The following ENPP3 variants were observed in gnomAD, a reference collection of about 807,000 sequenced individuals.
The protein encoded by ENPP3 is ectonucleotide pyrophosphatase/phosphodiesterase 3.
Under a neutral mutation model 117.8 loss-of-function variants are expected in ENPP3, and 104 were observed. That is an observed-to-expected ratio of 0.88 (90% CI 0.75 to 1.04). The LOEUF (loss-of-function observed/expected upper bound fraction) is 1.04, where lower values mean the gene tolerates loss of function less well. Ranked by LOEUF, ENPP3 falls within the 50% of genes least tolerant of loss-of-function variation. The probability of loss-of-function intolerance (pLI) is 0.00; values close to 1 mark genes in which losing one functional copy is unlikely to be tolerated. For synonymous variants in ENPP3, 380 were observed against 349.9 expected (o/e 1.09, Z -0.96); for missense variants, 1,026 against 1,051.9 (o/e 0.98, Z 0.34).
At position 131,695,557 on chromosome 6, in the gene ENPP3, T is replaced by C. The variant is rs74718430; in HGVS notation, c.1412+1933T>C. Among the ~76,000 whole-genome samples, 1,456 of 152,318 alleles carry C rather than the reference T, an allele frequency of 9.6e-3. 20 individuals carry two copies. Among genetic ancestry groups the C allele is most frequent in the African/African-American group, 0.034 (1,400 of 41,568 alleles). On this transcript the variant is annotated intron_variant, in intron 15 of 24. Coordinates refer to ENST00000357639, the MANE Select transcript of ENPP3 (RefSeq NM_005021.5). Reference sequence around the variant, plus strand: ...TTTTATTATTTTCTTGCCATTAACATACAAAGTAAACTAACTTACATCAAA... The same window carrying C: ...TTTTATTATTTTCTTGCCATTAACACACAAAGTAAACTAACTTACATCAAA...
At chr6:131,667,038 A>C (rs899903065) in intron 6 of ENPP3, among the ~76,000 whole-genome samples, 7 of 152,184 alleles carry the variant, frequency 4.6e-5, no homozygotes, top group African/African-American at 1.7e-4. Context: ...TTGGGCAGTC[A>C]CCAGAGAATT....
intron 24 of ENPP3, among the ~76,000 whole-genome samples, chr6:131,742,953 T>C (rs1780559391): frequency 6.6e-6 from 1 of 152,196 alleles, no homozygotes; most frequent in Non-Finnish European, 1.5e-5. Context: ...AGTAATAAAT[T>C]GGACATATCC....
At chr6:131,726,294 A>G in intron 20 of ENPP3, 94 bp downstream of exon 20, 1 of 1,144,008 alleles carries the variant, frequency 8.7e-7, no homozygotes, top group East Asian at 2.4e-5. Context: ...GCAGAGATTC[A>G]AAGGGAGGGA....
At chr6:131,719,282 C>T (rs1198451070) in intron 16 of ENPP3, among the ~76,000 whole-genome samples, 1 of 151,470 alleles carries the variant, frequency 6.6e-6, no homozygotes, top group Non-Finnish European at 1.5e-5. Flanking sequence ...CTGAAAAGGG[C>T]CAAAATTGGG....
intron 6 of ENPP3, among the ~76,000 whole-genome samples, chr6:131,668,610 T>C (rs549135636): frequency 1.5e-3 from 222 of 152,358 alleles, no homozygotes; most frequent in African/African-American, 5.2e-3. Flanking sequence ...ACTATAAACC[T>C]AGTTGCATAG....
chr6:131,641,021 GA>G (rs950077773), intron 1 of ENPP3, among the ~76,000 whole-genome samples: 2 of 151,874 alleles, frequency 1.3e-5, no homozygotes, highest in Admixed American at 6.6e-5. Flanking sequence ...GATAGAGTAG[GA>G]AAAAAAGCCC....
intron 1 of ENPP3, among the ~76,000 whole-genome samples, chr6:131,639,896 A>G (rs1432938889): frequency 6.6e-6 from 1 of 152,088 alleles, no homozygotes; most frequent in African/African-American, 2.4e-5. Flanking sequence ...GGAGGCCGAG[A>G]TAAGAGGAGC....
chr6:131,672,253 C>T (rs933510923), intron 7 of ENPP3, among the ~76,000 whole-genome samples: 5 of 152,120 alleles, frequency 3.3e-5, no homozygotes, highest in African/African-American at 1.2e-4. Flanking sequence ...TAAACAAGTA[C>T]CATTTTCACA....
chr6:131,726,235 G>T (rs1303697364), intron 20 of ENPP3, 35 bp downstream of exon 20: 11 of 1,582,526 alleles, frequency 7.0e-6, no homozygotes, highest in Non-Finnish European at 9.5e-6. Context: ...ATGCAGGCAA[G>T]AAATATTTAT....
At chr6:131,706,725 T>G (rs1779645968) in intron 15 of ENPP3, among the ~76,000 whole-genome samples, 1 of 150,816 alleles carries the variant, frequency 6.6e-6, no homozygotes, top group South Asian at 2.1e-4. Flanking sequence ...TTTGTTAACA[T>G]GGTGGATTAT....
intron 2 of ENPP3, among the ~76,000 whole-genome samples, chr6:131,644,780 A>G (rs975877773): frequency 2.6e-5 from 4 of 152,208 alleles, no homozygotes; most frequent in Admixed American, 1.3e-4. Flanking sequence ...GATTTAAACC[A>G]TGAGACTGGG....
intron 5 of ENPP3, among the ~76,000 whole-genome samples, chr6:131,657,236 A>G (rs1387949976): frequency 6.6e-6 from 1 of 152,060 alleles, no homozygotes; most frequent in Non-Finnish European, 1.5e-5. Flanking sequence ...TCCTATCTTA[A>G]GTGTATAGTA....
chr6:131,719,886 G>A (rs1332536472), intron 16 of ENPP3, among the ~76,000 whole-genome samples: 1 of 152,040 alleles, frequency 6.6e-6, no homozygotes, highest in Non-Finnish European at 1.5e-5. Flanking sequence ...TTTGTGTCAT[G>A]TTAACATATT....
At chr6:131,725,292 G>A (rs529182414) in intron 19 of ENPP3, among the ~76,000 whole-genome samples, 1 of 152,244 alleles carries the variant, frequency 6.6e-6, no homozygotes, top group East Asian at 1.9e-4. Flanking sequence ...CATAGACTGG[G>A]TAGCTTATAA....
intron 17 of ENPP3, among the ~76,000 whole-genome samples, chr6:131,721,480 G>A (rs1367881701): frequency 1.3e-5 from 2 of 151,964 alleles, no homozygotes; most frequent in South Asian, 2.1e-4. Context: ...TTCCAGGAGA[G>A]ATCTGTTAGG....
chr6:131,729,545 T>C (rs1780231180), intron 20 of ENPP3, among the ~76,000 whole-genome samples: 1 of 152,226 alleles, frequency 6.6e-6, no homozygotes, highest in African/African-American at 2.4e-5. Flanking sequence ...TCTGAGTGTC[T>C]GAATTATATT....
At chr6:131,711,530 TA>T (rs763666614) in intron 15 of ENPP3, among the ~76,000 whole-genome samples, 23,642 of 131,854 alleles carry the variant, frequency 0.18, 2,446 homozygotes, top group African/African-American at 0.44. Flanking sequence ...GAGTTTCTTG[TA>T]CACAGCATAC....
intron 9 of ENPP3, 184 bp downstream of exon 9, chr6:131,675,373 A>G (rs1026610221): frequency 1.4e-5 from 8 of 561,696 alleles, no homozygotes; most frequent in Non-Finnish European, 2.5e-5. Context: ...GCTGTAATTA[A>G]AAATCTATGT....
At chr6:131,743,567 C>A (rs1024415942) in intron 24 of ENPP3, among the ~76,000 whole-genome samples, 13 of 152,054 alleles carry the variant, frequency 8.5e-5, no homozygotes, top group African/African-American at 3.1e-4. Context: ...CATAGTGGCT[C>A]ACCTGTAATC....
Sources: allele counts gnomAD v4.1 joint callset (sites outside exome capture counted in the v4.1 genomes callset), GRCh38; gene constraint gnomAD v4.1.1; transcripts MANE v1.5; gene names NCBI Gene and HGNC (gene_info 2026-07-23, HGNC 2026-07-21).